SIPA1L3: variants seen among roughly 807,000 people sequenced by gnomAD.
SIPA1L3 encodes signal-induced proliferation-associated 1-like protein 3.
Under a neutral mutation model 150.1 loss-of-function variants are expected in SIPA1L3, and 59 were observed. The ratio of observed to expected loss-of-function variants is 0.39; its 90% CI spans 0.32 to 0.49. SIPA1L3 has a LOEUF of 0.49. SIPA1L3 is among the 20% of genes least tolerant of loss of function. SIPA1L3 has a pLI of 0.86. For synonymous variants in SIPA1L3, 1,070 were observed against 1,077.6 expected (o/e 0.99, Z 0.14); for missense variants, 2,211 against 2,489.5 (o/e 0.89, Z 2.38).
chr19:37,946,261 C>T (rs139419645), intron 1 of SIPA1L3, among the ~76,000 whole-genome samples: 109 of 152,210 alleles, frequency 7.2e-4, no homozygotes, highest in African/African-American at 2.4e-3. Flanking sequence ...TCCTCACCAA[C>T]GCTGGGCTCA....
intron 9 of SIPA1L3, among the ~76,000 whole-genome samples, chr19:38,120,545 C>G (rs938957707): frequency 1.3e-5 from 2 of 152,084 alleles, no homozygotes; most frequent in African/African-American, 4.8e-5. Context: ...ATGTCCAAAC[C>G]ATTAATGGAT....
chr19:38,142,082 G>A (rs1225723056), intron 11 of SIPA1L3, among the ~76,000 whole-genome samples: 1 of 152,218 alleles, frequency 6.6e-6, no homozygotes. Flanking sequence ...TGGGAAGTGG[G>A]GAAGCCCACA....
At chr19:38,126,828 G>A (rs941209375) in intron 9 of SIPA1L3, among the ~76,000 whole-genome samples, 6 of 152,098 alleles carry the variant, frequency 3.9e-5, no homozygotes, top group Non-Finnish European at 8.8e-5. Context: ...GAGCCACTGT[G>A]CCCGGCCCAA....
intron 2 of SIPA1L3, among the ~76,000 whole-genome samples, chr19:38,080,587 T>C (rs549753040): frequency 2.9e-3 from 443 of 152,242 alleles, no homozygotes; most frequent in Non-Finnish European, 3.5e-3. Flanking sequence ...TTCTTGTTAA[T>C]GTAGATGAGT....
At chr19:38,198,254 C>A in intron 18 of SIPA1L3, 135 bp from the exon 19 acceptor site, 1 of 1,067,086 alleles carries the variant, frequency 9.4e-7, no homozygotes. Flanking sequence ...GGCTCCAGCA[C>A]TCCCAGACCC....
intron 9 of SIPA1L3, among the ~76,000 whole-genome samples, chr19:38,126,179 TCAAAAA>T (rs1016489864): frequency 6.6e-6 from 1 of 151,174 alleles, no homozygotes; most frequent in Non-Finnish European, 1.5e-5. Context: ...AGGCTCCATC[TCAAAAA>T]CAAAAACAAA....
intron 8 of SIPA1L3, among the ~76,000 whole-genome samples, chr19:38,115,251 T>G: frequency 6.6e-6 from 1 of 152,218 alleles, no homozygotes; most frequent in East Asian, 1.9e-4. Context: ...TGACAGCCAC[T>G]GACAGTTTCA....
At chr19:38,011,445 C>T (rs1294498788) in intron 1 of SIPA1L3, among the ~76,000 whole-genome samples, 1 of 152,178 alleles carries the variant, frequency 6.6e-6, no homozygotes, top group Admixed American at 6.5e-5. Flanking sequence ...CACTTCACTC[C>T]AGCCCGAACA....
At chr19:38,141,490 TC>T in intron 11 of SIPA1L3, 55 bp downstream of exon 11, 1 of 1,531,914 alleles carries the variant, frequency 6.5e-7, no homozygotes, top group Non-Finnish European at 8.8e-7. Flanking sequence ...CCCACACCCA[TC>T]CTCCGCCCCT....
chr19:38,160,465 G>A (rs1972056356), intron 13 of SIPA1L3, among the ~76,000 whole-genome samples: 1 of 150,216 alleles, frequency 6.7e-6, no homozygotes, highest in South Asian at 2.1e-4. Context: ...GCAGGGGTGC[G>A]ATCTCGGCTC....
rs61388128 is a variant in SIPA1L3, at chr19:38,120,117, A to T, written c.2868+235A>T. Among the ~76,000 whole-genome samples, 22,711 of 152,098 alleles carry T rather than the reference A, an allele frequency of 0.15. 1,769 individuals are homozygous for T. The highest frequency in any genetic ancestry group is 0.19 in the African/African-American group (7,771 of 41,454). ...TGCTATTACCTTGGAAAGACAAGAG[A>T]TACTTATTAACCTTGGACACTGATA... On this transcript the variant is annotated intron_variant, in intron 9 of 21. Transcript: ENST00000222345.
intron 1 of SIPA1L3, among the ~76,000 whole-genome samples, chr19:37,920,806 C>T (rs892764717): frequency 5.9e-5 from 9 of 152,212 alleles, no homozygotes; most frequent in African/African-American, 1.9e-4. Flanking sequence ...TGGGAACACC[C>T]GGCCAGGCCC....
intron 10 of SIPA1L3, among the ~76,000 whole-genome samples, chr19:38,139,513 G>A (rs1400191365): frequency 2.6e-5 from 4 of 152,150 alleles, no homozygotes; most frequent in African/African-American, 9.7e-5. Flanking sequence ...TACAGGCTCT[G>A]ATAGACGTTC....
chr19:38,068,423 T>C (rs562668019), intron 2 of SIPA1L3, among the ~76,000 whole-genome samples: 1 of 152,328 alleles, frequency 6.6e-6, no homozygotes, highest in African/African-American at 2.4e-5. Context: ...GTCAGCGTCA[T>C]TCACGTATTC....
chr19:38,191,214 C>T (rs577876309), intron 16 of SIPA1L3, among the ~76,000 whole-genome samples: 215 of 151,536 alleles, frequency 1.4e-3, no homozygotes, highest in Middle Eastern at 3.4e-3. Context: ...TGGGACTAGC[C>T]TGGGCAACCT....
intron 1 of SIPA1L3, among the ~76,000 whole-genome samples, chr19:37,983,551 T>C (rs544060650): frequency 2.0e-5 from 3 of 152,170 alleles, no homozygotes; most frequent in Non-Finnish European, 4.4e-5. Flanking sequence ...AGAGACCAGC[T>C]CAGTTCCAGG....
At chr19:38,095,930 C>T (rs1351270166) in intron 4 of SIPA1L3, among the ~76,000 whole-genome samples, 1 of 152,228 alleles carries the variant, frequency 6.6e-6, no homozygotes, top group African/African-American at 2.4e-5. Context: ...TATAAAGACA[C>T]TGATCCTGTT....
intron 12 of SIPA1L3, among the ~76,000 whole-genome samples, chr19:38,142,966 C>G (rs982064737): frequency 6.6e-6 from 1 of 152,202 alleles, no homozygotes; most frequent in Non-Finnish European, 1.5e-5. Context: ...ACCTGTCAAG[C>G]AAGAGCATCC....
chr19:38,042,014 T>C (rs1420287163), intron 2 of SIPA1L3, among the ~76,000 whole-genome samples: 1 of 152,238 alleles, frequency 6.6e-6, no homozygotes, highest in Non-Finnish European at 1.5e-5. Context: ...TTTTGTTATG[T>C]CGATTGTTTC....
Sources: gnomAD v4.1 joint callset for allele counts (sites outside exome capture counted in the v4.1 genomes callset) on GRCh38, gnomAD v4.1.1 for gene constraint, MANE v1.5 for transcripts, NCBI Gene and HGNC (gene_info 2026-07-23, HGNC 2026-07-21) for gene names.